Variants in OR1D2 observed in about 807,000 individuals in gnomAD.
OR1D2 encodes olfactory receptor 1D2.
For synonymous variants in OR1D2, 157 were observed against 153.9 expected (o/e 1.02, Z -0.15); for missense variants, 357 against 376.1 (o/e 0.95, Z 0.42).
At chr17:3,094,716 A>G (rs559398112) in intron 1 of OR1D2, among the ~76,000 whole-genome samples, 2 of 152,282 alleles carry the variant, frequency 1.3e-5, no homozygotes, top group South Asian at 4.1e-4. Context: ...AAAAGACCTC[A>G]AAGTAGCCAT....
chr17:3,097,466 AAGCCAAGGGAGGTGGTG>A (rs1284252969), intron 1 of OR1D2, among the ~76,000 whole-genome samples: 44 of 152,274 alleles, frequency 2.9e-4, no homozygotes, highest in African/African-American at 1.0e-3. Context: ...CCCCACCCCC[AAGCCAAGGGAGGTGGTG>A]AGTGAGCATG....
At chr17:3,097,755 T>C (rs1160672648) in intron 1 of OR1D2, among the ~76,000 whole-genome samples, 4 of 152,204 alleles carry the variant, frequency 2.6e-5, no homozygotes. Context: ...TTGGGACTGA[T>C]AACTGCCTAG....
chr17:3,093,025 C>CA lies in OR1D2; in HGVS notation c.-30dup, dbSNP rs751869535. Reference sequence around the variant, plus strand: ...CCCAACTCTCTTTTAACATTAACACCAGCAAATGTTTACCAAAAGTCCTTA... The same window carrying CA: ...CCCAACTCTCTTTTAACATTAACACCAAGCAAATGTTTACCAAAAGTCCTTA... On this transcript the variant is annotated 5_prime_UTR_variant, in exon 2 of 2. Coordinates refer to ENST00000641833, the MANE Select transcript of OR1D2 (RefSeq NM_002548.3). The CA allele has an allele frequency of 3.2e-6, 5 of 1,582,710 alleles. No individual in the cohort carries two copies. The highest frequency in any genetic ancestry group is 1.7e-5 in the Admixed American group (1 of 57,226).
intron 1 of OR1D2, among the ~76,000 whole-genome samples, chr17:3,098,933 T>C (rs1168349025): frequency 1.3e-5 from 2 of 151,238 alleles, no homozygotes; most frequent in South Asian, 2.1e-4. Flanking sequence ...GATATCAGAG[T>C]TTAAAGACCA....
chr17:3,091,977 G>T lies in OR1D2; in HGVS notation c.*81C>A. ...CTGGAGCCATGTCCCAATCACTGCT[G>T]TATAACACACAGGACAATCCCTTAC... On this transcript the variant is annotated 3_prime_UTR_variant, in exon 2 of 2. Transcript: ENST00000641833. 2 of 1,054,962 alleles carry T rather than the reference G, an allele frequency of 1.9e-6. No homozygotes were observed. The highest frequency in any genetic ancestry group is 2.8e-6 in the Non-Finnish European group (2 of 709,136). The allele number at this position is 1,054,962 out of a possible 1,614,324, so 65.4% of individuals were successfully genotyped here.
intron 1 of OR1D2, among the ~76,000 whole-genome samples, chr17:3,096,661 G>A (rs1228222867): frequency 6.6e-6 from 1 of 152,158 alleles, no homozygotes; most frequent in Admixed American, 6.5e-5. Flanking sequence ...AATGACAAGT[G>A]GGTCAATCTA....
chr17:3,095,768 T>A (rs1053905697), intron 1 of OR1D2, among the ~76,000 whole-genome samples: 1 of 152,088 alleles, frequency 6.6e-6, no homozygotes, highest in Admixed American at 6.6e-5. Context: ...ATGTATATGA[T>A]GTATCGTTGA....
chr17:3,092,926 T>G lies in OR1D2; in HGVS notation c.71A>C (p.Gln24Pro). The G allele has an allele frequency of 2.5e-6, 4 of 1,613,914 alleles. No individual in the cohort carries two copies. Among genetic ancestry groups the G allele is most frequent in the Non-Finnish European group, 2.5e-6 (3 of 1,179,966 alleles). Residue 24 changes from glutamine (Q) to proline (P), a missense_variant, in exon 2 of 2, where the codon CAG (glutamine) becomes CCG (proline). Gln to Pro is a moderately conservative substitution (Grantham distance 76, BLOSUM62 -1). Coordinates refer to ENST00000641833, the MANE Select transcript of OR1D2 (RefSeq NM_002548.3). ...LLGMSESPEQ[Q>P]RILFWMFLSM... ...CAGGAACATCCAAAACAGGATCCGC[T>G]GCTGCTCAGGACTCTCTGACATCCC...
intron 1 of OR1D2, among the ~76,000 whole-genome samples, chr17:3,095,618 A>G (rs527358311): frequency 6.6e-6 from 1 of 151,646 alleles, no homozygotes; most frequent in African/African-American, 2.4e-5. Context: ...TTATAAATGT[A>G]TGTAAATATG....
Position 3,092,712 on chromosome 17 carries a change from T to G in OR1D2, c.285A>C (p.Ala95=). ...GGAAGTAGAGCTGTGTCAGACACCC[T>G]GCATAGGAGATGGCTTTGTTATGGG... The part of the protein sequence containing the change: ...LQSHNKAISY[A]GCLTQLYFLV... Residue 95 remains alanine, a synonymous_variant, in exon 2 of 2, where the codon GCA becomes GCC. Coordinates refer to ENST00000641833, the MANE Select transcript of OR1D2 (RefSeq NM_002548.3). The G allele has an allele frequency of 6.2e-7, 1 of 1,614,078 alleles. No individual in the cohort carries two copies. Among genetic ancestry groups the G allele is most frequent in the Admixed American group, 1.7e-5 (1 of 60,014 alleles).
Position 3,104,246 on chromosome 17 carries a change from A to C in OR1D2, c.-198T>G, listed in dbSNP as rs1334173845. On this transcript the variant is annotated 5_prime_UTR_variant, in exon 1 of 2. Transcript: ENST00000641833. The stretch of plus-strand genomic sequence containing the variant: ...TCTTGGAGACTCATCCTATTGGCTA[A>C]AGGTACAGAGCAGAGAACTTGTTGC... 1 of 152,188 alleles carries C rather than the reference A, an allele frequency of 6.6e-6. No individual in the cohort carries two copies. Among genetic ancestry groups the C allele is most frequent in the Non-Finnish European group, 1.5e-5 (1 of 68,036 alleles). 9.4% of individuals were successfully genotyped at this position (152,188 alleles called of 1,614,324 possible).
chr17:3,091,943 G>T lies in OR1D2; in HGVS notation c.*115C>A. On this transcript the variant is annotated 3_prime_UTR_variant, in exon 2 of 2. Transcript: ENST00000641833. ...TTTTATCACCACATATCTATATGCT[G>T]TCTCTGAGCTGGAGCCATGTCCCAA... 1 of 781,954 alleles carries T rather than the reference G, an allele frequency of 1.3e-6. No individual in the cohort carries two copies. Among genetic ancestry groups the T allele is most frequent in the Non-Finnish European group, 2.1e-6 (1 of 472,680 alleles). 48.4% of individuals were successfully genotyped at this position (781,954 alleles called of 1,614,324 possible). A position where few individuals can be genotyped will look rare whatever the true frequency, so the allele number is the denominator to read the frequency against.
chr17:3,099,196 T>G (rs1409289826), intron 1 of OR1D2, among the ~76,000 whole-genome samples: 1 of 151,944 alleles, frequency 6.6e-6, no homozygotes, highest in Non-Finnish European at 1.5e-5. Context: ...AAATACTCCA[T>G]GAGAAGATCA....
intron 1 of OR1D2, among the ~76,000 whole-genome samples, chr17:3,101,154 C>A (rs894352711): frequency 1.3e-5 from 2 of 152,132 alleles, no homozygotes; most frequent in African/African-American, 2.4e-5. Flanking sequence ...AGGAGAGACT[C>A]CTCCTTAACT....
intron 1 of OR1D2, among the ~76,000 whole-genome samples, chr17:3,099,767 T>C (rs147954988): frequency 0.054 from 8,166 of 152,100 alleles, 521 homozygotes; most frequent in African/African-American, 0.15. Flanking sequence ...GAGTGCTGTA[T>C]TCAGGAGACC....
Position 3,088,735 on chromosome 17 carries a change from C to T in OR1D2, c.*3323G>A, listed in dbSNP as rs1247106657. 6.6e-6 allele frequency: 1 copy of T among 152,164 alleles called. No individual in the cohort carries two copies. Among genetic ancestry groups the T allele is most frequent in the African/African-American group, 2.4e-5 (1 of 41,420 alleles). 9.4% of individuals were successfully genotyped at this position (152,164 alleles called of 1,614,324 possible). A position where few individuals can be genotyped will look rare whatever the true frequency, so the allele number is the denominator to read the frequency against. ...GTCTGTAATCTATAGATAACATAAC[C>T]AGTTAGGTCAGGGGTCGATCTTTAA... On this transcript the variant is annotated 3_prime_UTR_variant, in exon 2 of 2. Coordinates refer to ENST00000641833, the MANE Select transcript of OR1D2 (RefSeq NM_002548.3).
rs1212113479 is a variant in OR1D2, at chr17:3,088,845, A to T, written c.*3213T>A. On this transcript the variant is annotated 3_prime_UTR_variant, in exon 2 of 2. Transcript: ENST00000641833. Reference sequence around the variant, plus strand: ...AGTTTTTACTTCTTTCTTTGGAGGCAGAAATTGGGCATAAGACAATATGAG... The same window carrying T: ...AGTTTTTACTTCTTTCTTTGGAGGCTGAAATTGGGCATAAGACAATATGAG... 1 of 151,568 alleles carries T rather than the reference A, an allele frequency of 6.6e-6. No individual in the cohort carries two copies. 9.4% of individuals were successfully genotyped at this position (151,568 alleles called of 1,614,324 possible). A position where few individuals can be genotyped will look rare whatever the true frequency, so the allele number is the denominator to read the frequency against.
chr17:3,092,135 T>G lies in OR1D2; in HGVS notation c.862A>C (p.Ile288Leu), dbSNP rs140300782. The G allele has an allele frequency of 2.5e-6, 4 of 1,614,074 alleles. No individual in the cohort carries two copies. In the Admixed American group the frequency reaches 6.7e-5, roughly 27 times the overall value. ...AVVTPMMNPFIYSLRNKDMHG... is the reference protein window; with the variant it reads ...AVVTPMMNPFLYSLRNKDMHG... ...ATGTCCTTGTTCCTCAGGCTGTAGA[T>G]GAAGGGATTCATCATGGGTGTCACC... Residue 288 changes from isoleucine (I) to leucine (L), a missense_variant, in exon 2 of 2, where the codon ATC becomes CTC. By Grantham distance (5) the Ile-to-Leu change is conservative. Coordinates refer to ENST00000641833, the MANE Select transcript of OR1D2 (RefSeq NM_002548.3).
intron 1 of OR1D2, among the ~76,000 whole-genome samples, chr17:3,093,283 A>T (rs1356773196): frequency 6.6e-6 from 1 of 152,198 alleles, no homozygotes; most frequent in African/African-American, 2.4e-5. Flanking sequence ...TTTGGTGATT[A>T]GTGTGTTATG....
Sources: allele counts gnomAD v4.1 joint callset (sites outside exome capture counted in the v4.1 genomes callset), GRCh38; gene constraint gnomAD v4.1.1; transcripts MANE v1.5; gene names NCBI Gene and HGNC (gene_info 2026-07-23, HGNC 2026-07-21).